The following BICDL1 variants were observed in gnomAD, a reference collection of about 807,000 sequenced individuals.
The protein encoded by BICDL1 is BICD family like cargo adaptor 1, also known as BICD family-like cargo adapter 1.
A neutral mutation model predicts 76.8 loss-of-function variants in BICDL1; 20 were observed. That is an observed-to-expected ratio of 0.26 (90% CI 0.18 to 0.38). The LOEUF (loss-of-function observed/expected upper bound fraction) is 0.38, where lower values mean the gene tolerates loss of function less well. Among genes scored for constraint, BICDL1 ranks in the 10% least tolerant of loss-of-function variants. The pLI, the probability that BICDL1 is intolerant of heterozygous loss-of-function variation, is 1.00. For synonymous variants in BICDL1, 383 were observed against 337.1 expected (o/e 1.14, Z -1.49); for missense variants, 700 against 798.6 (o/e 0.88, Z 1.49).
intron 3 of BICDL1, among the ~76,000 whole-genome samples, chr12:120,063,189 G>A (rs1440076500): frequency 1.3e-5 from 2 of 152,172 alleles, no homozygotes; most frequent in African/African-American, 4.8e-5. Flanking sequence ...TGATTCATGG[G>A]AAGGAAAATT....
At chr12:120,012,232 C>G (rs554661410) in intron 2 of BICDL1, among the ~76,000 whole-genome samples, 54 of 152,262 alleles carry the variant, frequency 3.5e-4, no homozygotes, top group African/African-American at 1.3e-3. Context: ...CCAGTCATGA[C>G]ACATAAGGTA....
chr12:120,042,255 T>C (rs1297889801), intron 2 of BICDL1, among the ~76,000 whole-genome samples: 1 of 152,182 alleles, frequency 6.6e-6, no homozygotes, highest in East Asian at 1.9e-4. Flanking sequence ...AATAGTCCTC[T>C]GAGGTATATT....
chr12:120,066,513 G>A (rs2138921449), intron 4 of BICDL1, among the ~76,000 whole-genome samples: 1 of 152,278 alleles, frequency 6.6e-6, no homozygotes, highest in African/African-American at 2.4e-5. Flanking sequence ...AGCACTGTGG[G>A]CTGTACATTC....
intron 2 of BICDL1, among the ~76,000 whole-genome samples, chr12:120,049,834 A>T (rs1264485899): frequency 6.6e-6 from 1 of 152,184 alleles, no homozygotes; most frequent in Non-Finnish European, 1.5e-5. Context: ...TTCAGTTGTC[A>T]CATGTGTTCT....
intron 1 of BICDL1, among the ~76,000 whole-genome samples, chr12:119,996,834 A>C (rs1951657949): frequency 6.6e-6 from 1 of 152,136 alleles, no homozygotes; most frequent in Non-Finnish European, 1.5e-5. Context: ...CATCACTTTC[A>C]CTTAGATTTC....
At chr12:120,089,379 T>TGTGTGTGTGTG (rs934007213) in intron 8 of BICDL1, among the ~76,000 whole-genome samples, 1 of 149,734 alleles carries the variant, frequency 6.7e-6, no homozygotes, top group African/African-American at 2.5e-5. Flanking sequence ...TTTCAACGTG[T>TGTGTGTGTGTG]GTGTGTGTGT....
At chr12:120,038,014 G>A (rs1283893883) in intron 2 of BICDL1, among the ~76,000 whole-genome samples, 1 of 152,200 alleles carries the variant, frequency 6.6e-6, no homozygotes, top group Non-Finnish European at 1.5e-5. Context: ...GCCCCTGAAG[G>A]GTGACCTGGA....
chr12:120,060,731 G>A (rs1386526426), intron 2 of BICDL1, among the ~76,000 whole-genome samples: 2 of 152,140 alleles, frequency 1.3e-5, no homozygotes, highest in Non-Finnish European at 2.9e-5. Flanking sequence ...TAAAAAAGAT[G>A]GACAATTGAT....
At chr12:120,005,434 C>T (rs1451447088) in intron 2 of BICDL1, among the ~76,000 whole-genome samples, 1 of 152,142 alleles carries the variant, frequency 6.6e-6, no homozygotes, top group East Asian at 1.9e-4. Context: ...AGTGTAGTGG[C>T]ACAATCTCGG....
intron 9 of BICDL1, chr12:120,092,759 T>C: frequency 3.0e-6 from 3 of 985,202 alleles, no homozygotes; most frequent in Non-Finnish European, 3.6e-6. Flanking sequence ...CCAGCAGGAG[T>C]AACACTGTTG....
intron 2 of BICDL1, among the ~76,000 whole-genome samples, chr12:120,027,177 C>T (rs750276202): frequency 6.6e-6 from 1 of 151,692 alleles, no homozygotes. Context: ...ATTACAGGTG[C>T]ACACCACCAC....
At chr12:120,031,896 G>T (rs2138764888) in intron 2 of BICDL1, among the ~76,000 whole-genome samples, 1 of 152,078 alleles carries the variant, frequency 6.6e-6, no homozygotes, top group South Asian at 2.1e-4. Context: ...TTTGAGACCA[G>T]CTTGGGCAAT....
At chr12:120,027,930 G>C (rs76901840) in intron 2 of BICDL1, among the ~76,000 whole-genome samples, 3,537 of 152,290 alleles carry the variant, frequency 0.023, 145 homozygotes, top group African/African-American at 0.081. Flanking sequence ...ATTCAGTCCA[G>C]AGGCACCACA....
Position 120,033,391 on chromosome 12 carries a change from G to A in BICDL1, c.646-28319G>A, listed in dbSNP as rs74499417. On this transcript the variant is annotated intron_variant, in intron 2 of 9. Coordinates refer to ENST00000548673, the MANE Select transcript of BICDL1 (RefSeq NM_001367886.1). ...CCTTTTTTTTTTTTTTTTTTTTTGTGGGGGAGATGGAGTCTCACTCTGTCG... is the reference window on the plus strand; with the variant it reads ...CCTTTTTTTTTTTTTTTTTTTTTGTAGGGGAGATGGAGTCTCACTCTGTCG... Among the ~76,000 whole-genome samples the A allele has an allele frequency of 8.7e-5, 4 of 45,926 alleles. No individual in the cohort carries two copies. In the African/African-American group the frequency reaches 1.1e-3, roughly 13 times the overall value. The allele number at this position is 45,926 out of a possible 152,430, so 30.1% of individuals were successfully genotyped here. A position where few individuals can be genotyped will look rare whatever the true frequency, so the allele number is the denominator to read the frequency against.
intron 8 of BICDL1, among the ~76,000 whole-genome samples, chr12:120,086,775 C>T (rs371445635): frequency 6.6e-6 from 1 of 152,208 alleles, no homozygotes; most frequent in East Asian, 1.9e-4. Context: ...AGGAATTATT[C>T]GAGCCCTTGG....
chr12:120,014,531 A>C (rs1594115713), intron 2 of BICDL1, among the ~76,000 whole-genome samples: 2 of 152,098 alleles, frequency 1.3e-5, no homozygotes, highest in Non-Finnish European at 2.9e-5. Context: ...GTCTCTACTG[A>C]AAATACAAAA....
intron 2 of BICDL1, among the ~76,000 whole-genome samples, chr12:120,045,016 C>G (rs1385984998): frequency 6.6e-6 from 1 of 152,076 alleles, no homozygotes; most frequent in Non-Finnish European, 1.5e-5. Flanking sequence ...TTTTCGCAAC[C>G]TACTCATCTG....
intron 1 of BICDL1, among the ~76,000 whole-genome samples, chr12:119,990,653 G>A (rs1405974076): frequency 6.6e-6 from 1 of 152,198 alleles, no homozygotes; most frequent in Non-Finnish European, 1.5e-5. Flanking sequence ...ATATGTTGCA[G>A]GTTTTCAGAG....
At chr12:120,014,998 C>G (rs1952031276) in intron 2 of BICDL1, among the ~76,000 whole-genome samples, 1 of 152,000 alleles carries the variant, frequency 6.6e-6, no homozygotes, top group Non-Finnish European at 1.5e-5. Context: ...TTTTAACTGT[C>G]AGTGGGAGAG....
Sources: gnomAD v4.1 joint callset for allele counts (sites outside exome capture counted in the v4.1 genomes callset) on GRCh38, gnomAD v4.1.1 for gene constraint, MANE v1.5 for transcripts, NCBI Gene and HGNC (gene_info 2026-07-23, HGNC 2026-07-21) for gene names.